AXDND1: variants seen among roughly 807,000 people sequenced by gnomAD.
The protein encoded by AXDND1 is axonemal dynein light chain domain containing 1.
In AXDND1, 110 loss-of-function variants were observed where a neutral mutation model predicts 137.5. The ratio of observed to expected loss-of-function variants is 0.80; its 90% confidence interval spans 0.69 to 0.94. The LOEUF (loss-of-function observed/expected upper bound fraction) is 0.94. AXDND1 is among the 40% of genes least tolerant of loss of function. AXDND1 has a pLI of 0.00. For missense variants in AXDND1, 1,191 were observed against 1,169.8 expected, an observed-to-expected ratio of 1.02 and a Z score of -0.26; for synonymous variants, 414 against 399.7, an observed-to-expected ratio of 1.04 and a Z score of -0.43.
At position 179,504,514 on chromosome 1, in the gene AXDND1, G is replaced by A. The variant is rs545532528; in HGVS notation, c.2389-4782G>A. On this transcript the variant is annotated intron_variant, in intron 20 of 25. Transcript: ENST00000367618. ...TGGAATGAGGATTTCAAGATGTTTT[G>A]AGGTGTATCTCCCTATAAAAGTTAA... 6.6e-5 allele frequency among the ~76,000 whole-genome samples: 10 copies of A among 152,290 alleles called. 1 individual carries two copies. The South Asian group carries it at 2.1e-3, about 32-fold the overall frequency.
chr1:179,504,408 CTA>C (rs1405395385), intron 20 of AXDND1, among the ~76,000 whole-genome samples: 1 of 152,178 alleles, frequency 6.6e-6, no homozygotes, highest in East Asian at 1.9e-4. Flanking sequence ...CTGGCCAACT[CTA>C]TGACACACTT....
chr1:179,371,669 C>A (rs1458017085), intron 4 of AXDND1, among the ~76,000 whole-genome samples: 3 of 152,076 alleles, frequency 2.0e-5, no homozygotes, highest in Non-Finnish European at 4.4e-5. Flanking sequence ...CCAGCCTAAT[C>A]ACCTGAATCT....
intron 15 of AXDND1, 79 bp downstream of exon 15, chr1:179,432,421 A>G: frequency 1.4e-6 from 2 of 1,382,460 alleles, no homozygotes; most frequent in Non-Finnish European, 1.9e-6. Context: ...ACTGAGGCAC[A>G]TCCCATCCTT....
intron 16 of AXDND1, chr1:179,457,358 A>G: frequency 2.0e-6 from 1 of 501,932 alleles, no homozygotes; most frequent in Admixed American, 2.8e-5. Flanking sequence ...GAGAGACTTT[A>G]ATGATGCTTC....
intron 11 of AXDND1, among the ~76,000 whole-genome samples, chr1:179,400,215 A>G (rs552585843): frequency 2.0e-5 from 3 of 152,008 alleles, no homozygotes; most frequent in Admixed American, 6.6e-5. Flanking sequence ...ACTGTGGTGT[A>G]TATATATATA....
At chr1:179,422,486 G>T (rs972991887) in intron 12 of AXDND1, among the ~76,000 whole-genome samples, 10 of 151,988 alleles carry the variant, frequency 6.6e-5, no homozygotes, top group Admixed American at 1.3e-4. Flanking sequence ...CCATCATTGT[G>T]GTCAGAAAAA....
intron 17 of AXDND1, among the ~76,000 whole-genome samples, chr1:179,476,556 G>GTTT (rs71569254): frequency 0.017 from 2,617 of 150,508 alleles, 77 homozygotes; most frequent in African/African-American, 0.058. Flanking sequence ...AAATTCTTCG[G>GTTT]TTTTTTTTTT....
At position 179,371,969 on chromosome 1, in the gene AXDND1, A is replaced by G. The variant is rs145363832; in HGVS notation, c.374+1891A>G. Among the ~76,000 whole-genome samples, 540 of 152,286 alleles carry G rather than the reference A, an allele frequency of 3.5e-3. 3 individuals carry two copies. Among genetic ancestry groups the G allele is most frequent in the African/African-American group, 0.012 (513 of 41,552 alleles). On this transcript the variant is annotated intron_variant, in intron 4 of 25. Coordinates refer to ENST00000367618, the MANE Select transcript of AXDND1 (RefSeq NM_144696.6). ...CTTCCTCTAGAGCATCCAGAAAGAA[A>G]CACAGTCCTGCCAATGCCTTGATTT...
chr1:179,447,184 A>G (rs1309364220), intron 16 of AXDND1, among the ~76,000 whole-genome samples: 2 of 152,118 alleles, frequency 1.3e-5, no homozygotes, highest in Non-Finnish European at 2.9e-5. Context: ...GTATGGTTTT[A>G]CCCACTAATC....
At chr1:179,490,618 CTTTTA>C (rs2125576074) in intron 18 of AXDND1, among the ~76,000 whole-genome samples, 1 of 152,198 alleles carries the variant, frequency 6.6e-6, no homozygotes, top group African/African-American at 2.4e-5. Flanking sequence ...AAGAAAAAAC[CTTTTA>C]TTTTATTCTC....
chr1:179,406,347 T>C (rs1320985954), intron 11 of AXDND1, among the ~76,000 whole-genome samples: 1 of 152,208 alleles, frequency 6.6e-6, no homozygotes, highest in African/African-American at 2.4e-5. Context: ...TTGGATAAAA[T>C]GTTTTGTAAA....
chr1:179,432,201 G>A, intron 14 of AXDND1, 66 bp from the exon 15 acceptor site: 2 of 1,459,948 alleles, frequency 1.4e-6, no homozygotes, highest in Non-Finnish European at 1.8e-6. Context: ...TCTTTAGTGT[G>A]TGAACTGATG....
At chr1:179,449,323 A>G (rs1660196946) in intron 16 of AXDND1, 1 of 308,876 alleles carries the variant, frequency 3.2e-6, no homozygotes, top group African/African-American at 2.3e-5. Flanking sequence ...CTTGTCAAAA[A>G]TCAGTTAACC....
intron 20 of AXDND1, among the ~76,000 whole-genome samples, chr1:179,505,814 A>G (rs1668487241): frequency 6.6e-6 from 1 of 152,194 alleles, no homozygotes; most frequent in African/African-American, 2.4e-5. Context: ...TAGTTCCCCA[A>G]GAGTACTAAG....
intron 1 of AXDND1, 50 bp from the exon 2 acceptor site, chr1:179,366,354 T>C (rs954261633): frequency 1.9e-5 from 11 of 579,080 alleles, no homozygotes; most frequent in African/African-American, 1.9e-5. Flanking sequence ...AAGTACTCAA[T>C]AGTTGTCATC....
chr1:179,543,545 C>G (rs1347367876), intron 25 of AXDND1: 1 of 152,080 alleles, frequency 6.6e-6, no homozygotes, highest in African/African-American at 2.4e-5. Context: ...GCACAGGAGC[C>G]TGGAAAGAAA....
In AXDND1 at chr1:179,378,744, T is replaced by C; in HGVS notation, c.482T>C (p.Ile161Thr). 1 of 1,570,062 alleles carries C rather than the reference T, an allele frequency of 6.4e-7. No individual in the cohort carries two copies. The highest frequency in any genetic ancestry group is 8.6e-7 in the Non-Finnish European group (1 of 1,156,090). ...ARSLQSHDGVIVPHKPKTLTD... is the reference protein window; with the variant it reads ...ARSLQSHDGVTVPHKPKTLTD... Reference sequence around the variant, plus strand: ...TCATTACAGTCACATGATGGTGTCATTGTGCCCCATAAGGTAAATAAAGTA... The same window carrying C: ...TCATTACAGTCACATGATGGTGTCACTGTGCCCCATAAGGTAAATAAAGTA... Residue 161 changes from isoleucine to threonine, a missense_variant, in exon 5 of 26, where the codon ATT becomes ACT. Transcript: ENST00000367618.
At chr1:179,479,924 G>C (rs1665150078) in intron 17 of AXDND1, among the ~76,000 whole-genome samples, 1 of 152,130 alleles carries the variant, frequency 6.6e-6, no homozygotes, top group Middle Eastern at 3.2e-3. Flanking sequence ...CTTTGCTCCG[G>C]TTCCCAAGAA....
intron 15 of AXDND1, among the ~76,000 whole-genome samples, chr1:179,438,509 A>G (rs1221847450): frequency 1.3e-5 from 2 of 152,198 alleles, no homozygotes; most frequent in African/African-American, 4.8e-5. Context: ...GGACATCACA[A>G]CAGAAGTTAT....
Sources: gnomAD v4.1 joint callset for allele counts (sites outside exome capture counted in the v4.1 genomes callset) on GRCh38, gnomAD v4.1.1 for gene constraint, MANE v1.5 for transcripts, NCBI Gene and HGNC (gene_info 2026-07-23, HGNC 2026-07-21) for gene names.